The following CACNA1E variants were observed in gnomAD, a reference collection of about 807,000 sequenced individuals.
CACNA1E encodes calcium voltage-gated channel subunit alpha1 E, also known as voltage-dependent R-type calcium channel subunit alpha-1E.
CACNA1E carries 40 observed loss-of-function variants against 259.2 expected under a neutral mutation model. The observed-to-expected ratio is 0.15, with a 90% CI of 0.12 to 0.20. The LOEUF (loss-of-function observed/expected upper bound fraction) is 0.20. CACNA1E is among the 10% of genes least tolerant of loss of function. The probability of loss-of-function intolerance (pLI) is 1.00; values close to 1 mark genes in which losing one functional copy is unlikely to be tolerated. For missense variants in CACNA1E, 1,874 were observed against 3,040.1 expected, an observed-to-expected ratio of 0.62 and a Z score of 9.02; for synonymous variants, 1,104 against 1,138.5, an observed-to-expected ratio of 0.97 and a Z score of 0.61.
Position 181,664,930 on chromosome 1 carries a change from C to A in CACNA1E, c.1055+13489C>A, listed in dbSNP as rs76017415. Among the ~76,000 whole-genome samples, 1,751 of 152,240 alleles carry A rather than the reference C, an allele frequency of 0.012. 59 individuals carry two copies. The South Asian group carries it at 0.13, about 11-fold the overall frequency. The stretch of plus-strand genomic sequence containing the variant: ...TTACAAGCATTTATCCTTTTTAAAG[C>A]GAACTGTTGACAATTAGATTGGGAC... On this transcript the variant is annotated intron_variant, in intron 7 of 47. Coordinates refer to ENST00000367573, the MANE Select transcript of CACNA1E (RefSeq NM_001205293.3).
intron 1 of CACNA1E, among the ~76,000 whole-genome samples, chr1:181,507,185 C>T (rs955029095): frequency 1.3e-5 from 2 of 152,204 alleles, no homozygotes; most frequent in Admixed American, 6.5e-5. Context: ...CAAACTCCCA[C>T]CTTTAGATTC....
chr1:181,704,944 C>G (rs563029789), intron 7 of CACNA1E, among the ~76,000 whole-genome samples: 1 of 152,282 alleles, frequency 6.6e-6, no homozygotes, highest in Non-Finnish European at 1.5e-5. Flanking sequence ...GTGACTGACT[C>G]TGGGGTCACA....
chr1:181,728,283 C>T (rs1025046984), intron 18 of CACNA1E, among the ~76,000 whole-genome samples: 2 of 152,106 alleles, frequency 1.3e-5, no homozygotes, highest in African/African-American at 2.4e-5. Context: ...GTTGGGACAA[C>T]GCTTGGCCCA....
chr1:181,785,932 T>G (rs1239815503), intron 43 of CACNA1E, 113 bp downstream of exon 43: 1 of 680,724 alleles, frequency 1.5e-6, no homozygotes, highest in East Asian at 2.6e-5. Context: ...TACTCTGAGC[T>G]TGAGTGATCC....
At chr1:181,664,428 AC>A (rs1468966327) in intron 7 of CACNA1E, among the ~76,000 whole-genome samples, 2 of 152,186 alleles carry the variant, frequency 1.3e-5, no homozygotes, top group Non-Finnish European at 2.9e-5. Flanking sequence ...TTTCTGTTGC[AC>A]ATGTAATCTA....
chr1:181,753,917 C>CAG (rs1374010835), intron 27 of CACNA1E, among the ~76,000 whole-genome samples: 1 of 152,200 alleles, frequency 6.6e-6, no homozygotes, highest in African/African-American at 2.4e-5. Context: ...CGTGGGTTCC[C>CAG]AGAGAGAGAC....
chr1:181,446,888 A>G (rs662921), intron 2 of CACNA1E, among the ~76,000 whole-genome samples: 21,839 of 151,634 alleles, frequency 0.14, 1,651 homozygotes, highest in South Asian at 0.21. Flanking sequence ...TTTGTTTCCT[A>G]TCTTTAAATT....
intron 38 of CACNA1E, among the ~76,000 whole-genome samples, chr1:181,777,459 T>G (rs2102802972): frequency 6.6e-6 from 1 of 152,358 alleles, no homozygotes; most frequent in Middle Eastern, 3.4e-3. Context: ...AATTCTTTCC[T>G]TCATTAATTA....
In CACNA1E at chr1:181,369,136, T is replaced by G. The variant is rs559455719; in HGVS notation, c.-14-43997T>G. On this transcript the variant is annotated intron_variant, in intron 1 of 11. Transcript: ENST00000524607. ...GGTCAGGACATTCGTCACTTCATGA[T>G]GCAGGACTGCAAGTACACCAGTGAA... 1.1e-4 allele frequency among the ~76,000 whole-genome samples: 17 copies of G among 152,348 alleles called. 1 individual carries two copies. In the East Asian group the frequency reaches 1.7e-3, roughly 16 times the overall value.
intron 2 of CACNA1E, among the ~76,000 whole-genome samples, chr1:181,431,680 G>T (rs1659730419): frequency 6.6e-6 from 1 of 152,184 alleles, no homozygotes; most frequent in Non-Finnish European, 1.5e-5. Context: ...CTCTGCAGTT[G>T]CATGGAGCCT....
intron 1 of CACNA1E, among the ~76,000 whole-genome samples, chr1:181,330,928 T>C (rs910014476): frequency 2.0e-5 from 3 of 152,180 alleles, no homozygotes; most frequent in Non-Finnish European, 2.9e-5. Flanking sequence ...TGATCTGGGC[T>C]TGTTTGAGAG....
At chr1:181,338,138 T>G (rs1435515084) in intron 1 of CACNA1E, among the ~76,000 whole-genome samples, 1 of 152,120 alleles carries the variant, frequency 6.6e-6, no homozygotes, top group East Asian at 1.9e-4. Context: ...CAGGCTGGAG[T>G]GCGGTGGCGT....
At chr1:181,374,745 G>C (rs1345180620) in intron 1 of CACNA1E, among the ~76,000 whole-genome samples, 2 of 152,198 alleles carry the variant, frequency 1.3e-5, no homozygotes, top group African/African-American at 2.4e-5. Context: ...GGTATTACAA[G>C]TGTGAGCAAC....
At chr1:181,410,445 A>G (rs1301516512) in intron 1 of CACNA1E, among the ~76,000 whole-genome samples, 1 of 152,190 alleles carries the variant, frequency 6.6e-6, no homozygotes, top group Admixed American at 6.5e-5. Context: ...TGGTGCTGGT[A>G]GGGCAAGGAA....
intron 2 of CACNA1E, among the ~76,000 whole-genome samples, chr1:181,461,745 CAT>C (rs1661830710): frequency 6.6e-6 from 1 of 151,130 alleles, no homozygotes; most frequent in Non-Finnish European, 1.5e-5. Context: ...GTGAACAACT[CAT>C]ATGAATCTCA....
intron 3 of CACNA1E, among the ~76,000 whole-genome samples, chr1:181,572,651 G>A (rs1165977226): frequency 6.6e-6 from 1 of 152,198 alleles, no homozygotes; most frequent in East Asian, 1.9e-4. Context: ...GAGGAGCACA[G>A]ATATATGCCT....
At chr1:181,399,056 G>A (rs1656895143) in intron 1 of CACNA1E, among the ~76,000 whole-genome samples, 1 of 152,154 alleles carries the variant, frequency 6.6e-6, no homozygotes, top group Non-Finnish European at 1.5e-5. Context: ...CCTTCAGTGA[G>A]TCCCCCCACC....
chr1:181,476,480 A>T (rs956499592), intron 2 of CACNA1E, among the ~76,000 whole-genome samples: 1 of 152,156 alleles, frequency 6.6e-6, no homozygotes, highest in Non-Finnish European at 1.5e-5. Context: ...TTTAGGCTTG[A>T]CTGCAGCTGT....
intron 6 of CACNA1E, among the ~76,000 whole-genome samples, chr1:181,605,818 C>T (rs77713607): frequency 0.031 from 4,784 of 152,200 alleles, 117 homozygotes; most frequent in South Asian, 0.047. Flanking sequence ...TAGAGATTTC[C>T]GGCTTTACAT....
Sources: gnomAD v4.1 joint callset for allele counts (sites outside exome capture counted in the v4.1 genomes callset) on GRCh38, gnomAD v4.1.1 for gene constraint, MANE v1.5 for transcripts, NCBI Gene and HGNC (gene_info 2026-07-23, HGNC 2026-07-21) for gene names.